RIMS2: variants seen among roughly 807,000 people sequenced by gnomAD.
RIMS2 encodes the protein regulating synaptic membrane exocytosis 2.
In RIMS2, 59 loss-of-function variants were observed where a neutral mutation model predicts 174.4. The observed-to-expected ratio is 0.34, with a 90% CI of 0.27 to 0.42. RIMS2 has a LOEUF of 0.42. Among genes scored for constraint, RIMS2 ranks in the 10% least tolerant of loss-of-function variants. The probability of loss-of-function intolerance (pLI) is 1.00; values close to 1 mark genes in which losing one functional copy is unlikely to be tolerated. For missense variants in RIMS2, 1,620 were observed against 1,666.3 expected (o/e 0.97, Z 0.48); for synonymous variants, 606 against 572.5 (o/e 1.06, Z -0.84).
intron 19 of RIMS2, among the ~76,000 whole-genome samples, chr8:104,185,256 A>G (rs1292734834): frequency 6.6e-6 from 1 of 151,536 alleles, no homozygotes; most frequent in Non-Finnish European, 1.5e-5. Flanking sequence ...ATGATTCTTT[A>G]TACTTGTATG....
At chr8:103,777,120 A>AT (rs2098326996) in intron 3 of RIMS2, among the ~76,000 whole-genome samples, 1 of 152,096 alleles carries the variant, frequency 6.6e-6, no homozygotes, top group Non-Finnish European at 1.5e-5. Flanking sequence ...TCATCAGTGT[A>AT]TTCCTAGCAC....
At chr8:103,544,348 C>T (rs1040174938) in intron 1 of RIMS2, among the ~76,000 whole-genome samples, 6 of 152,184 alleles carry the variant, frequency 3.9e-5, no homozygotes, top group Non-Finnish European at 5.9e-5. Flanking sequence ...GTGCAGCTTA[C>T]GCTTGTCCTG....
intron 19 of RIMS2, among the ~76,000 whole-genome samples, chr8:104,066,559 C>T (rs1480377669): frequency 1.3e-5 from 2 of 152,066 alleles, no homozygotes; most frequent in East Asian, 3.9e-4. Context: ...TTGGAGAAGA[C>T]ATGTTTACCT....
At chr8:104,236,598 A>G (rs1238191666) in intron 19 of RIMS2, among the ~76,000 whole-genome samples, 6 of 152,210 alleles carry the variant, frequency 3.9e-5, no homozygotes, top group East Asian at 1.9e-4. Flanking sequence ...TTTTCTATAG[A>G]CAAGTATTTT....
chr8:103,811,846 A>G (rs529849688), intron 3 of RIMS2, among the ~76,000 whole-genome samples: 1 of 152,370 alleles, frequency 6.6e-6, no homozygotes, highest in East Asian at 1.9e-4. Context: ...TGCCACTCAA[A>G]CCAAAGCACA....
rs544845936 is a variant in RIMS2, at chr8:104,241,976, T to C, written c.3335-2940T>C. Among the ~76,000 whole-genome samples, 329 of 152,214 alleles carry C rather than the reference T, an allele frequency of 2.2e-3. 3 individuals carry two copies. Among genetic ancestry groups the C allele is most frequent in the Middle Eastern group, 0.01 (3 of 294 alleles). ...ATTTTCACCATGTTGGTCAGGCTGA[T>C]CTCAAACTCCTGGCCTCAAGTGATC... On this transcript the variant is annotated intron_variant, in intron 19 of 23. Coordinates refer to ENST00000504942, the Ensembl canonical transcript of RIMS2.
chr8:103,937,010 A>G (rs1349397312), intron 13 of RIMS2, among the ~76,000 whole-genome samples: 1 of 152,042 alleles, frequency 6.6e-6, no homozygotes, highest in Non-Finnish European at 1.5e-5. Context: ...AGGCAGGAGA[A>G]TGGCGTGAGC....
At chr8:103,806,195 G>A (rs1420767962) in intron 3 of RIMS2, among the ~76,000 whole-genome samples, 2 of 151,996 alleles carry the variant, frequency 1.3e-5, no homozygotes, top group African/African-American at 4.8e-5. Flanking sequence ...TCTTTTTTCT[G>A]TCTAAACATG....
intron 19 of RIMS2, among the ~76,000 whole-genome samples, chr8:104,182,276 C>G (rs183090087): frequency 1.3e-5 from 2 of 151,774 alleles, no homozygotes; most frequent in Admixed American, 1.3e-4. Flanking sequence ...ATTTTGGCTA[C>G]AAAAATAATC....
intron 1 of RIMS2, among the ~76,000 whole-genome samples, chr8:103,533,361 G>A (rs1838143352): frequency 6.6e-6 from 1 of 152,150 alleles, no homozygotes; most frequent in Non-Finnish European, 1.5e-5. Context: ...TTGACTCTTG[G>A]TGAATTGACA....
chr8:103,984,187 A>G (rs1388965689), intron 16 of RIMS2, among the ~76,000 whole-genome samples: 1 of 149,238 alleles, frequency 6.7e-6, no homozygotes, highest in Admixed American at 6.7e-5. Flanking sequence ...ACAAAAAAGG[A>G]AAAAAAAAAG....
At chr8:104,048,727 C>CTT (rs35152269) in intron 19 of RIMS2, among the ~76,000 whole-genome samples, 38,417 of 151,902 alleles carry the variant, frequency 0.25, 5,241 homozygotes, top group African/African-American at 0.35. Flanking sequence ...ATTAGAAACA[C>CTT]ATTTCTTTTT....
At chr8:104,243,748 A>C (rs1018020528) in intron 19 of RIMS2, among the ~76,000 whole-genome samples, 6 of 152,176 alleles carry the variant, frequency 3.9e-5, no homozygotes, top group Non-Finnish European at 8.8e-5. Context: ...GTATCCCAAA[A>C]AGCTATCAAT....
intron 1 of RIMS2, among the ~76,000 whole-genome samples, chr8:103,639,405 T>C (rs778680749): frequency 3.3e-5 from 5 of 151,870 alleles, no homozygotes; most frequent in Non-Finnish European, 1.5e-5. Flanking sequence ...CACTATAGAA[T>C]AGTTTCAACA....
At chr8:103,959,405 T>C (rs1037416617) in intron 14 of RIMS2, among the ~76,000 whole-genome samples, 1 of 152,010 alleles carries the variant, frequency 6.6e-6, no homozygotes, top group Non-Finnish European at 1.5e-5. Flanking sequence ...TTTGAAATAT[T>C]AACATGCATA....
intron 1 of RIMS2, among the ~76,000 whole-genome samples, chr8:103,588,621 T>C (rs948113958): frequency 2.6e-5 from 4 of 151,980 alleles, no homozygotes; most frequent in African/African-American, 4.8e-5. Context: ...TACAGTGAAT[T>C]CATTTTTGAC....
chr8:104,034,054 G>A (rs939861013), intron 19 of RIMS2, among the ~76,000 whole-genome samples: 1 of 152,102 alleles, frequency 6.6e-6, no homozygotes, highest in African/African-American at 2.4e-5. Context: ...AAGATTCCTT[G>A]TCAAAGGGTT....
At chr8:104,157,063 C>T (rs183918522) in intron 19 of RIMS2, among the ~76,000 whole-genome samples, 2 of 152,236 alleles carry the variant, frequency 1.3e-5, no homozygotes, top group East Asian at 3.9e-4. Flanking sequence ...AGGCATATTT[C>T]TTGCCTTTAA....
chr8:103,822,963 G>A (rs913670616), intron 3 of RIMS2, among the ~76,000 whole-genome samples: 2 of 151,870 alleles, frequency 1.3e-5, no homozygotes, highest in East Asian at 1.9e-4. Context: ...ATATTTTTTA[G>A]CATTGTTCAC....
Sources: gnomAD v4.1 joint callset for allele counts (sites outside exome capture counted in the v4.1 genomes callset) on GRCh38, gnomAD v4.1.1 for gene constraint, MANE v1.5 for transcripts, NCBI Gene and HGNC (gene_info 2026-07-23, HGNC 2026-07-21) for gene names.